The following ADGB variants were observed in gnomAD, a reference collection of about 807,000 sequenced individuals.
ADGB encodes androglobin.
A neutral mutation model predicts 210.5 loss-of-function variants in ADGB; 172 were observed. The ratio of observed to expected loss-of-function variants is 0.82; its 90% CI spans 0.72 to 0.93. The LOEUF is 0.93. Among genes scored for constraint, ADGB ranks in the 40% least tolerant of loss-of-function variants. The probability of loss-of-function intolerance (pLI) is 0.00; values close to 1 mark genes in which losing one functional copy is unlikely to be tolerated. For synonymous variants in ADGB, 658 were observed against 662.7 expected (o/e 0.99, Z 0.11); for missense variants, 2,025 against 1,964.8 (o/e 1.03, Z -0.58).
At chr6:146,628,338 T>C (rs1316164440) in intron 1 of ADGB, among the ~76,000 whole-genome samples, 4 of 152,000 alleles carry the variant, frequency 2.6e-5, no homozygotes, top group Non-Finnish European at 5.9e-5. Flanking sequence ...TTAAAATTAT[T>C]ATCATTATTA....
intron 29 of ADGB, among the ~76,000 whole-genome samples, chr6:146,771,990 T>A (rs1326332974): frequency 1.3e-5 from 2 of 152,218 alleles, no homozygotes; most frequent in Non-Finnish European, 2.9e-5. Context: ...CTGTAACTCT[T>A]TATAATTCTG....
rs139636493 is a variant in ADGB at position 146,599,004 on chromosome 6, T to C, written c.-37T>C. The stretch of plus-strand genomic sequence containing the variant: ...GAGCCGAGCGCGCCCGCAGGCTCTT[T>C]GCTCAGAGCTCAGCCCTACATAGAT... On this transcript the variant is annotated 5_prime_UTR_variant, in exon 1 of 36. Transcript: ENST00000397944. 3.9e-6 allele frequency: 6 copies of C among 1,536,286 alleles called. No individual in the cohort carries two copies. The highest frequency in any genetic ancestry group is 4.4e-6 in the Non-Finnish European group (5 of 1,133,274).
At chr6:146,708,312 G>A (rs1032056986) in intron 13 of ADGB, among the ~76,000 whole-genome samples, 14 of 151,994 alleles carry the variant, frequency 9.2e-5, no homozygotes, top group African/African-American at 3.1e-4. Context: ...TTTTACCAGT[G>A]AGTTTTATAC....
intron 35 of ADGB, among the ~76,000 whole-genome samples, chr6:146,811,703 C>T (rs1233143149): frequency 5.9e-5 from 9 of 151,946 alleles, no homozygotes. Context: ...ATGGACTCTC[C>T]CTCTGTCTCC....
At chr6:146,699,716 T>A (rs1260051896) in intron 12 of ADGB, among the ~76,000 whole-genome samples, 1 of 149,536 alleles carries the variant, frequency 6.7e-6, no homozygotes, top group Non-Finnish European at 1.5e-5. Context: ...TTTTTGTTTA[T>A]CTCTCAGCTA....
chr6:146,664,131 G>A (rs914683900), intron 5 of ADGB, 70 bp from the exon 6 acceptor site: 18 of 1,392,002 alleles, frequency 1.3e-5, no homozygotes, highest in African/African-American at 5.9e-5. Flanking sequence ...TGTCAGCCAC[G>A]TGCAATCATT....
intron 12 of ADGB, 108 bp from the exon 13 acceptor site, chr6:146,700,833 T>C (rs1776479123): frequency 7.8e-7 from 1 of 1,276,002 alleles, no homozygotes; most frequent in Non-Finnish European, 1.1e-6. Flanking sequence ...GAATGACAAA[T>C]AGAACACAAT....
At chr6:146,672,576 G>A in intron 8 of ADGB, 109 bp downstream of exon 8, 1 of 1,296,558 alleles carries the variant, frequency 7.7e-7, no homozygotes, top group Non-Finnish European at 1.0e-6. Flanking sequence ...CAGACCCCAA[G>A]AGAGGGTTCT....
intron 1 of ADGB, among the ~76,000 whole-genome samples, chr6:146,604,308 A>C (rs1335673899): frequency 2.0e-5 from 3 of 152,204 alleles, no homozygotes; most frequent in Non-Finnish European, 4.4e-5. Context: ...AGAATGGCCC[A>C]GTCCTCTCCC....
At position 146,608,085 on chromosome 6, in the gene ADGB, C is replaced by T. The variant is rs182011126; in HGVS notation, c.74+8971C>T. Among the ~76,000 whole-genome samples, 6 of 152,076 alleles carry T rather than the reference C, an allele frequency of 3.9e-5. No individual in the cohort carries two copies. In the East Asian group the frequency reaches 5.8e-4, roughly 15 times the overall value. On this transcript the variant is annotated intron_variant, in intron 1 of 35. Transcript: ENST00000397944. The stretch of plus-strand genomic sequence containing the variant: ...CTGATTCAATTTTGGAACATGTCAT[C>T]GGTCTTTTCAGGATTTCAGTTTCTT...
intron 13 of ADGB, among the ~76,000 whole-genome samples, chr6:146,712,061 A>T: frequency 6.6e-6 from 1 of 152,124 alleles, no homozygotes; most frequent in African/African-American, 2.4e-5. Flanking sequence ...TGTCAAAAAA[A>T]AAAAAAATGA....
chr6:146,787,268 C>G (rs1406239035), intron 32 of ADGB, among the ~76,000 whole-genome samples: 2 of 152,116 alleles, frequency 1.3e-5, no homozygotes, highest in African/African-American at 4.8e-5. Context: ...CTGCTTAGAT[C>G]AAGATTGGAA....
At chr6:146,656,631 C>A in intron 4 of ADGB, 140 bp from the exon 5 acceptor site, 1 of 591,332 alleles carries the variant, frequency 1.7e-6, no homozygotes, top group Non-Finnish European at 2.7e-6. Context: ...TTCTGTAGAT[C>A]AGAAATGAAA....
intron 33 of ADGB, among the ~76,000 whole-genome samples, chr6:146,798,753 C>G (rs1778081678): frequency 6.6e-6 from 1 of 151,068 alleles, no homozygotes; most frequent in Non-Finnish European, 1.5e-5. Flanking sequence ...ATTTTTATTT[C>G]TACATATTGA....
intron 4 of ADGB, 125 bp from the exon 5 acceptor site, chr6:146,656,646 G>T: frequency 1.5e-6 from 1 of 651,008 alleles, no homozygotes. Flanking sequence ...ATGAAAGTAT[G>T]GAATACATTA....
At chr6:146,632,752 C>T (rs555945615) in intron 1 of ADGB, among the ~76,000 whole-genome samples, 1 of 152,034 alleles carries the variant, frequency 6.6e-6, no homozygotes, top group African/African-American at 2.4e-5. Flanking sequence ...GCCCTAGGTC[C>T]CTGACTTTCC....
chr6:146,675,912 A>G (rs1238719376), intron 8 of ADGB, among the ~76,000 whole-genome samples: 1 of 152,220 alleles, frequency 6.6e-6, no homozygotes, highest in Admixed American at 6.5e-5. Context: ...GAGGACCCAA[A>G]TAAGGAAAAT....
chr6:146,787,319 T>C (rs1777887009), intron 32 of ADGB, among the ~76,000 whole-genome samples: 1 of 152,186 alleles, frequency 6.6e-6, no homozygotes, highest in South Asian at 2.1e-4. Context: ...TTCCAAGTCA[T>C]TTCCTCCCTC....
At chr6:146,624,211 T>A (rs1273773228) in intron 1 of ADGB, among the ~76,000 whole-genome samples, 1 of 151,856 alleles carries the variant, frequency 6.6e-6, no homozygotes, top group East Asian at 1.9e-4. Flanking sequence ...TGGAGTTTTC[T>A]TTGTGGAAAG....
Sources: allele counts gnomAD v4.1 joint callset (sites outside exome capture counted in the v4.1 genomes callset), GRCh38; gene constraint gnomAD v4.1.1; transcripts MANE v1.5; gene names NCBI Gene and HGNC (gene_info 2026-07-23, HGNC 2026-07-21).